The following KLC4 variants were observed in gnomAD, a reference collection of about 807,000 sequenced individuals.
KLC4 encodes kinesin light chain 4.
In KLC4, 49 loss-of-function variants were observed where a neutral mutation model predicts 77.2. The observed-to-expected ratio is 0.63, with a 90% CI of 0.50 to 0.80. The LOEUF (loss-of-function observed/expected upper bound fraction) is 0.80, where lower values mean the gene tolerates loss of function less well. KLC4 is among the 30% of genes least tolerant of loss of function. The probability of loss-of-function intolerance (pLI) is 0.00; values close to 1 mark genes in which losing one functional copy is unlikely to be tolerated. For synonymous variants in KLC4, 274 were observed against 314.5 expected (o/e 0.87, Z 1.36); for missense variants, 669 against 793.5 (o/e 0.84, Z 1.89).
rs1230373574 is a variant in KLC4, at chr6:43,074,026, GC to G, written c.1809+64del. 6.6e-5 allele frequency: 86 copies of G among 1,300,958 alleles called. 1 individual carries two copies. The East Asian group carries it at 1.8e-3, about 28-fold the overall frequency. 80.6% of individuals were successfully genotyped at this position (1,300,958 alleles called of 1,614,324 possible). ...GGAAAAAAGGACAGCCAGTGAGCAAGCCCAGTGGAGTAAGGGAAGAGGGAAG... is the reference window on the plus strand; with the variant it reads ...GGAAAAAAGGACAGCCAGTGAGCAAGCCAGTGGAGTAAGGGAAGAGGGAAG... On this transcript the variant is annotated intron_variant, in intron 15 of 15. Coordinates refer to ENST00000347162, the MANE Select transcript of KLC4 (RefSeq NM_201521.3).
chr6:43,063,228 C>A, intron 3 of KLC4, 81 bp downstream of exon 3: 6 of 1,095,632 alleles, frequency 5.5e-6, no homozygotes, highest in Non-Finnish European at 8.0e-6. Flanking sequence ...CCCCATCATC[C>A]TCAGGGTCCA....
At chr6:43,068,007 G>T (rs1407806539) in intron 6 of KLC4, among the ~76,000 whole-genome samples, 2 of 103,968 alleles carry the variant, frequency 1.9e-5, no homozygotes, top group Non-Finnish European at 3.5e-5. Flanking sequence ...AGCTGCTTGG[G>T]AGGCTGAGGC....
At chr6:43,060,102 C>T (rs1765063771) in intron 1 of KLC4, 1 of 1,552,920 alleles carries the variant, frequency 6.4e-7, no homozygotes, top group Non-Finnish European at 8.7e-7. Context: ...ACCCGGCAGC[C>T]GTTCAGCAGA....
rs1299292559 is a variant in KLC4, at chr6:43,073,300, G to A, written c.1707G>A (p.Leu569=). Residue 569 remains leucine (L), a synonymous_variant, in exon 14 of 16, where the codon TTG becomes TTA. Coordinates refer to ENST00000347162, the MANE Select transcript of KLC4 (RefSeq NM_201521.3). ...RDVLRRSSEL[L]VRKLQGTEPR... is the part of the protein sequence containing the mutation. ...TGCTCCGCAGAAGCAGTGAACTCTT[G>A]GTGAGGAAGCTCCAGGGGACTGAGC... is the stretch of plus-strand genomic sequence containing the variant. 3 of 1,613,920 alleles carry A rather than the reference G, an allele frequency of 1.9e-6. No individual in the cohort carries two copies. The highest frequency in any genetic ancestry group is 2.5e-6 in the Non-Finnish European group (3 of 1,179,994).
intron 8 of KLC4, 55 bp downstream of exon 8, chr6:43,070,920 G>T (rs1461484196): frequency 9.7e-6 from 4 of 412,302 alleles, no homozygotes; most frequent in East Asian, 7.6e-5. Flanking sequence ...GCACAGAGGT[G>T]GGGGGAGGGG....
intron 3 of KLC4, among the ~76,000 whole-genome samples, chr6:43,064,805 G>C (rs187549446): frequency 6.6e-6 from 1 of 152,204 alleles, no homozygotes; most frequent in Non-Finnish European, 1.5e-5. Context: ...TGCAGTTCCT[G>C]ATGGGGAAAA....
At chr6:43,061,097 A>G in intron 1 of KLC4, 1 of 577,002 alleles carries the variant, frequency 1.7e-6, no homozygotes, top group Non-Finnish European at 3.1e-6. Context: ...TCCTTTATTT[A>G]AGTCAGTTCA....
intron 15 of KLC4, 74 bp from the exon 16 acceptor site, chr6:43,074,535 CTGTGACCATGGGA>C: frequency 9.0e-7 from 1 of 1,108,764 alleles, no homozygotes; most frequent in South Asian, 1.2e-5. Flanking sequence ...CAGAGATACA[CTGTGACCATGGGA>C]TGGATGGACT....
chr6:43,064,176 A>G (rs1394467528), intron 3 of KLC4, among the ~76,000 whole-genome samples: 1 of 152,196 alleles, frequency 6.6e-6, no homozygotes, highest in Non-Finnish European at 1.5e-5. Flanking sequence ...TGTAGGGAAC[A>G]AGTCTTATCC....
chr6:43,066,606 T>TTACAGGGTACCTC (rs1484067926), intron 5 of KLC4, 81 bp downstream of exon 5: 1 of 1,282,792 alleles, frequency 7.8e-7, no homozygotes, highest in African/African-American at 1.5e-5. Flanking sequence ...TTTTTCCTCT[T>TTACAGGGTACCTC]TACAGGGTAC....
intron 14 of KLC4, 153 bp from the exon 15 acceptor site, chr6:43,073,749 G>A (rs534375022): frequency 3.3e-5 from 22 of 669,160 alleles, no homozygotes; most frequent in African/African-American, 5.4e-5. Context: ...GAAGTATCTC[G>A]GAGAGAAACA....
intron 2 of KLC4, 121 bp from the exon 3 acceptor site, chr6:43,062,796 C>T (rs1169794922): frequency 6.8e-6 from 5 of 730,374 alleles, no homozygotes; most frequent in Admixed American, 2.3e-5. Context: ...CACTGCTACA[C>T]CCCCACCTTC....
In KLC4 at chr6:43,072,302, G is replaced by T. The variant is rs532913160; in HGVS notation, c.1488+47G>T. ...GAGGTCCTAGAGGGAAGGGCCCTGG[G>T]GATGAGAGAGTGCCGAGGTTTCTTG... is the stretch of plus-strand genomic sequence containing the variant. On this transcript the variant is annotated intron_variant, in intron 12 of 15. Transcript: ENST00000347162. The T allele has an allele frequency of 2.8e-6, 4 of 1,420,848 alleles. No individual in the cohort carries two copies. The South Asian group carries it at 3.4e-5, about 12-fold the overall frequency. 88.0% of individuals were successfully genotyped at this position (1,420,848 alleles called of 1,614,324 possible). A position where few individuals can be genotyped will look rare whatever the true frequency, so the allele number is the denominator to read the frequency against.
Position 43,065,679 on chromosome 6 carries a change from G to A in KLC4, c.549G>A (p.Glu183=). 1.2e-6 allele frequency: 2 copies of A among 1,613,438 alleles called. No individual in the cohort carries two copies. Among genetic ancestry groups the A allele is most frequent in the Non-Finnish European group, 1.7e-6 (2 of 1,179,476 alleles). ...DSLDDLFPNE[E]EEDPSNGLSR... ...TGGATGACCTCTTTCCTAATGAGGAGGAAGAGGACCCCAGCAATGGCTGTG... is the reference window on the plus strand; with the variant it reads ...TGGATGACCTCTTTCCTAATGAGGAAGAAGAGGACCCCAGCAATGGCTGTG... Residue 183 remains glutamate, a synonymous_variant, in exon 4 of 16, where the codon GAG becomes GAA. Coordinates refer to ENST00000347162, the MANE Select transcript of KLC4 (RefSeq NM_201521.3).
chr6:43,070,629 C>T, intron 7 of KLC4, 63 bp from the exon 8 acceptor site: 4 of 1,531,926 alleles, frequency 2.6e-6, no homozygotes, highest in Non-Finnish European at 2.7e-6. Flanking sequence ...CATGCAAACA[C>T]ACGTGTGCTT....
At chr6:43,068,652 A>G (rs780020743) in intron 6 of KLC4, among the ~76,000 whole-genome samples, 38 of 151,956 alleles carry the variant, frequency 2.5e-4, no homozygotes, top group Non-Finnish European at 4.0e-4. Context: ...TACTAAAAAA[A>G]AAATATAAAA....
intron 1 of KLC4, chr6:43,059,962 C>T (rs1378301570): frequency 3.7e-5 from 49 of 1,338,836 alleles, no homozygotes; most frequent in Non-Finnish European, 3.2e-5. Context: ...TCCATCCACA[C>T]CTCCCCCCTG....
chr6:43,063,578 A>G (rs1054642568), intron 3 of KLC4, among the ~76,000 whole-genome samples: 1 of 144,606 alleles, frequency 6.9e-6, no homozygotes, highest in Non-Finnish European at 1.5e-5. Flanking sequence ...TTTGAGACGG[A>G]GTTTCACACT....
chr6:43,073,894 C>T lies in KLC4; in HGVS notation c.1746-8C>T, dbSNP rs748441872. ...AGGAGGCCTCAATTCTTCCGTTTTC[C>T]ATTGTAGCAGCAACATGAAGCGAGC... On this transcript the variant is annotated splice_region_variant and splice_polypyrimidine_tract_variant and intron_variant, in intron 14 of 15. Transcript: ENST00000347162. The T allele has an allele frequency of 3.7e-6, 6 of 1,613,890 alleles. No homozygotes were observed. The highest frequency in any genetic ancestry group is 5.1e-6 in the Non-Finnish European group (6 of 1,179,888).
Sources: gnomAD v4.1 joint callset for allele counts (sites outside exome capture counted in the v4.1 genomes callset) on GRCh38, gnomAD v4.1.1 for gene constraint, MANE v1.5 for transcripts, NCBI Gene and HGNC (gene_info 2026-07-23, HGNC 2026-07-21) for gene names.